MYO9A: variants seen among roughly 807,000 people sequenced by gnomAD.
MYO9A encodes the protein myosin IXA, also known as unconventional myosin-IXa.
MYO9A carries 103 observed loss-of-function variants against 293.3 expected under a neutral mutation model. That is an observed-to-expected ratio of 0.35 (90% CI 0.30 to 0.41). The LOEUF (loss-of-function observed/expected upper bound fraction) is 0.41, where lower values mean the gene tolerates loss of function less well. Ranked by LOEUF, MYO9A falls within the 10% of genes least tolerant of loss-of-function variation. MYO9A has a pLI of 1.00. For missense variants in MYO9A, 2,685 were observed against 3,033.0 expected, an observed-to-expected ratio of 0.89 and a Z score of 2.69; for synonymous variants, 1,001 against 1,035.7, an observed-to-expected ratio of 0.97 and a Z score of 0.64.
chr15:71,845,961 G>A (rs564703148), intron 39 of MYO9A, among the ~76,000 whole-genome samples: 1 of 152,298 alleles, frequency 6.6e-6, no homozygotes, highest in Non-Finnish European at 1.5e-5. Flanking sequence ...GAAATTATAT[G>A]AAGGGAATCT....
intron 26 of MYO9A, chr15:71,892,242 C>A (rs1461267544): frequency 6.6e-6 from 1 of 152,102 alleles, no homozygotes; most frequent in East Asian, 1.9e-4. Context: ...AACACAACAC[C>A]AATGTTATAT....
chr15:72,083,882 T>C (rs2079628775), intron 1 of MYO9A, among the ~76,000 whole-genome samples: 1 of 152,246 alleles, frequency 6.6e-6, no homozygotes, highest in South Asian at 2.1e-4. Flanking sequence ...ACGACTTCAG[T>C]TCTTTTGCAT....
rs568391469 is a variant in MYO9A at position 72,008,491 on chromosome 15, T to G, written c.1254-539A>C. Among the ~76,000 whole-genome samples the G allele has an allele frequency of 7.9e-4, 116 of 146,976 alleles. 1 individual carries two copies. Among genetic ancestry groups the G allele is most frequent in the Middle Eastern group, 3.4e-3 (1 of 290 alleles). Reference sequence around the variant, plus strand: ...TGTGTGTGTGAATGGGGTAAATGGGTGTGTGTGTGTGTGTATGTGTGTGTG... The same window carrying G: ...TGTGTGTGTGAATGGGGTAAATGGGGGTGTGTGTGTGTGTATGTGTGTGTG... On this transcript the variant is annotated intron_variant, in intron 7 of 41. Transcript: ENST00000356056.
At chr15:71,940,070 A>G (rs893689720) in intron 15 of MYO9A, among the ~76,000 whole-genome samples, 4 of 152,208 alleles carry the variant, frequency 2.6e-5, no homozygotes, top group Non-Finnish European at 5.9e-5. Context: ...TACTAAAAAT[A>G]AAAAATACAT....
intron 19 of MYO9A, among the ~76,000 whole-genome samples, chr15:71,906,199 T>C (rs1036816029): frequency 1.3e-5 from 2 of 152,202 alleles, no homozygotes; most frequent in African/African-American, 4.8e-5. Context: ...TGTATGATTT[T>C]AACTCAAAAT....
At chr15:71,884,723 G>C (rs1242412296) in intron 27 of MYO9A, among the ~76,000 whole-genome samples, 2 of 151,940 alleles carry the variant, frequency 1.3e-5, no homozygotes, top group African/African-American at 4.8e-5. Context: ...AGGTTTATTT[G>C]TAAATTAATT....
chr15:71,973,310 A>G (rs1318548126), intron 12 of MYO9A, among the ~76,000 whole-genome samples: 1 of 152,204 alleles, frequency 6.6e-6, no homozygotes, highest in Non-Finnish European at 1.5e-5. Flanking sequence ...CTTGAGTTCA[A>G]TTAATTTGCA....
intron 15 of MYO9A, among the ~76,000 whole-genome samples, chr15:71,946,303 C>G (rs1030771362): frequency 1.3e-5 from 2 of 152,084 alleles, no homozygotes; most frequent in African/African-American, 2.4e-5. Context: ...TACTAATGAG[C>G]CTATCTTGGC....
intron 19 of MYO9A, among the ~76,000 whole-genome samples, chr15:71,915,023 T>C (rs191589126): frequency 6.3e-4 from 96 of 152,310 alleles, no homozygotes; most frequent in Non-Finnish European, 1.0e-3. Flanking sequence ...AAAGTACTTT[T>C]TGACCAGAAT....
chr15:71,969,360 G>C (rs563721482), intron 12 of MYO9A, among the ~76,000 whole-genome samples: 2 of 152,260 alleles, frequency 1.3e-5, no homozygotes, highest in Non-Finnish European at 1.5e-5. Context: ...ATTTCAAACA[G>C]AGACAACAGC....
At chr15:71,930,336 C>T (rs1429822340) in intron 18 of MYO9A, among the ~76,000 whole-genome samples, 1 of 152,112 alleles carries the variant, frequency 6.6e-6, no homozygotes, top group Non-Finnish European at 1.5e-5. Context: ...TAGTTTATCT[C>T]TCTCTTCAGA....
intron 7 of MYO9A, among the ~76,000 whole-genome samples, chr15:72,009,073 A>T (rs2077099732): frequency 6.6e-6 from 1 of 152,214 alleles, no homozygotes; most frequent in Non-Finnish European, 1.5e-5. Flanking sequence ...AGGAAATACA[A>T]GTCTATTATA....
rs1555490831 is a variant in MYO9A, at chr15:71,956,330, A to ATATATATATATATATAT, written c.2182+3570_2182+3571insATATATATATATATATA. Among the ~76,000 whole-genome samples the ATATATATATATATATAT allele has an allele frequency of 2.3e-3, 177 of 75,568 alleles. 3 individuals are homozygous for ATATATATATATATATAT. The highest frequency in any genetic ancestry group is 3.1e-3 in the Non-Finnish European group (136 of 43,238). 49.6% of individuals were successfully genotyped at this position (75,568 alleles called of 152,430 possible). ...GCTCTTAAAAAAAAAAAAAAAAAAA[A>ATATATATATATATATAT]ATATATATATATATATATATAAAAT... On this transcript the variant is annotated intron_variant, in intron 14 of 41. Transcript: ENST00000356056.
At chr15:71,924,166 T>C (rs1029848439) in intron 18 of MYO9A, among the ~76,000 whole-genome samples, 2 of 152,110 alleles carry the variant, frequency 1.3e-5, no homozygotes, top group African/African-American at 4.8e-5. Context: ...GAACCTATTA[T>C]TGATTTCTAG....
At position 71,825,995 on chromosome 15, in the gene MYO9A, GTTTTTTTTTT is replaced by G. The variant is rs11368306; in HGVS notation, c.*575_*584del. The stretch of plus-strand genomic sequence containing the variant: ...ATGGAAACAATCACGGTTTTTTTTT[GTTTTTTTTTT>G]TTTGTTTTTTTTTTTTGTTTTTGCT... On this transcript the variant is annotated 3_prime_UTR_variant, in exon 42 of 42. Coordinates refer to ENST00000356056, the MANE Select transcript of MYO9A (RefSeq NM_006901.4). 2.2e-5 allele frequency: 2 copies of G among 91,526 alleles called. No homozygotes were observed. Among genetic ancestry groups the G allele is most frequent in the Non-Finnish European group, 4.5e-5 (2 of 44,770 alleles). 5.7% of individuals were successfully genotyped at this position (91,526 alleles called of 1,614,324 possible).
intron 3 of MYO9A, among the ~76,000 whole-genome samples, chr15:72,032,150 A>C (rs1055142368): frequency 6.6e-6 from 1 of 152,138 alleles, no homozygotes; most frequent in Admixed American, 6.5e-5. Context: ...ACCTCAGGTG[A>C]TCCACCCACC....
At chr15:72,031,028 G>T (rs766797132) in intron 3 of MYO9A, among the ~76,000 whole-genome samples, 2 of 152,102 alleles carry the variant, frequency 1.3e-5, no homozygotes, top group Non-Finnish European at 2.9e-5. Context: ...ATTCTCATAG[G>T]AATGTAAACC....
chr15:72,014,720 A>G (rs2077273109), intron 6 of MYO9A, among the ~76,000 whole-genome samples: 1 of 151,548 alleles, frequency 6.6e-6, no homozygotes, highest in African/African-American at 2.4e-5. Flanking sequence ...AGAAAAGAAA[A>G]GAAGAGAAGA....
At chr15:71,925,738 A>G (rs981989165) in intron 18 of MYO9A, among the ~76,000 whole-genome samples, 3 of 152,198 alleles carry the variant, frequency 2.0e-5, no homozygotes, top group Admixed American at 2.0e-4. Context: ...GTTACTTAAC[A>G]TTTAATTGTA....
Sources: gnomAD v4.1 joint callset for allele counts (sites outside exome capture counted in the v4.1 genomes callset) on GRCh38, gnomAD v4.1.1 for gene constraint, MANE v1.5 for transcripts, NCBI Gene and HGNC (gene_info 2026-07-23, HGNC 2026-07-21) for gene names.